FOXN3: variants seen among roughly 807,000 people sequenced by gnomAD.
FOXN3 encodes the protein forkhead box protein N3.
A neutral mutation model predicts 38.4 loss-of-function variants in FOXN3; 7 were observed. That is an observed-to-expected ratio of 0.18 (90% CI 0.10 to 0.34). The LOEUF (loss-of-function observed/expected upper bound fraction) is 0.34. Among genes scored for constraint, FOXN3 ranks in the 10% least tolerant of loss-of-function variants. The pLI is 1.00. For missense variants in FOXN3, 456 were observed against 613.4 expected, an observed-to-expected ratio of 0.74 and a Z score of 2.71; for synonymous variants, 230 against 242.2, an observed-to-expected ratio of 0.95 and a Z score of 0.47.
chr14:89,528,379 T>TTTTTTTC (rs1894476217), intron 1 of FOXN3, among the ~76,000 whole-genome samples: 1 of 53,850 alleles, frequency 1.9e-5, no homozygotes, highest in Non-Finnish European at 3.8e-5. Context: ...GATGAATCTT[T>TTTTTTTC]TTTTTTTTTT....
intron 2 of FOXN3, among the ~76,000 whole-genome samples, chr14:89,394,261 A>G (rs1160379359): frequency 8.2e-6 from 1 of 122,018 alleles, no homozygotes; most frequent in African/African-American, 3.3e-5. Flanking sequence ...CTTGTTGCCC[A>G]GGCTGGGGTG....
At chr14:89,560,630 T>A (rs981359510) in intron 1 of FOXN3, among the ~76,000 whole-genome samples, 5 of 152,252 alleles carry the variant, frequency 3.3e-5, no homozygotes, top group Admixed American at 6.5e-5. Flanking sequence ...GGCCTATCGT[T>A]ATAGACCAAA....
chr14:89,564,162 T>C (rs1391021474), intron 1 of FOXN3, among the ~76,000 whole-genome samples: 1 of 151,928 alleles, frequency 6.6e-6, no homozygotes, highest in Non-Finnish European at 1.5e-5. Context: ...GCCCAGAAGG[T>C]GAATTTTAAG....
chr14:89,419,143 T>C (rs1353498748), upstream of FOXN3: 6 of 455,936 alleles, frequency 1.3e-5, no homozygotes, highest in Non-Finnish European at 2.6e-5. Flanking sequence ...TTTCTTAATT[T>C]CTCTCTCCCA....
intron 2 of FOXN3, among the ~76,000 whole-genome samples, chr14:89,395,145 A>G (rs1891068382): frequency 6.6e-6 from 1 of 152,238 alleles, no homozygotes; most frequent in African/African-American, 2.4e-5. Context: ...GACACTGGTT[A>G]TCTGATGCTG....
chr14:89,607,877 C>T (rs376306508), intron 1 of FOXN3, among the ~76,000 whole-genome samples: 4 of 151,778 alleles, frequency 2.6e-5, no homozygotes, highest in African/African-American at 4.8e-5. Context: ...AGTGCAGTGG[C>T]GCTATCTTGG....
chr14:89,364,447 T>A (rs1566969219), intron 2 of FOXN3: 1 of 152,124 alleles, frequency 6.6e-6, no homozygotes. Context: ...CCTGGCCCCA[T>A]GAGCCTCAGT....
At chr14:89,570,450 C>A (rs1038350998) in intron 1 of FOXN3, among the ~76,000 whole-genome samples, 5 of 152,206 alleles carry the variant, frequency 3.3e-5, no homozygotes, top group African/African-American at 1.2e-4. Flanking sequence ...ACATGGTGTC[C>A]CTTGCAGCAA....
At chr14:89,288,712 CTCTCTCTCTCTCTATATATATATATATA>C (rs1886744473) in intron 3 of FOXN3, among the ~76,000 whole-genome samples, 74 of 69,116 alleles carry the variant, frequency 1.1e-3, no homozygotes, top group African/African-American at 2.5e-3. Context: ...CTCTCTCTCT[CTCTCTCTCTCTCTATATATATATATATA>C]TATATATATA....
intron 3 of FOXN3, among the ~76,000 whole-genome samples, chr14:89,319,454 G>A (rs562558706): frequency 2.6e-5 from 4 of 152,236 alleles, no homozygotes; most frequent in African/African-American, 9.6e-5. Context: ...CAAGGGAAGA[G>A]CCTCAGAGCC....
intron 2 of FOXN3, among the ~76,000 whole-genome samples, chr14:89,360,031 A>G (rs1889396803): frequency 1.3e-5 from 2 of 152,160 alleles, no homozygotes; most frequent in South Asian, 4.1e-4. Context: ...TGTCCAGCAT[A>G]TGCCACGGTC....
intron 4 of FOXN3, among the ~76,000 whole-genome samples, chr14:89,188,414 T>TC (rs1887863241): frequency 6.6e-6 from 1 of 152,250 alleles, no homozygotes; most frequent in Admixed American, 6.5e-5. Flanking sequence ...GATCAATCAG[T>TC]CCCCTTGCCT....
At chr14:89,346,586 C>A (rs566097987) in intron 3 of FOXN3, among the ~76,000 whole-genome samples, 2 of 152,156 alleles carry the variant, frequency 1.3e-5, no homozygotes, top group Admixed American at 6.5e-5. Flanking sequence ...TGATGTCCTA[C>A]GAGAGGTACC....
chr14:89,275,677 G>A (rs1353948699), intron 4 of FOXN3, among the ~76,000 whole-genome samples: 1 of 152,212 alleles, frequency 6.6e-6, no homozygotes, highest in Admixed American at 6.5e-5. Flanking sequence ...GAGAAGGGGT[G>A]ATAAACGCTG....
chr14:89,555,869 G>A (rs28667741), intron 1 of FOXN3, among the ~76,000 whole-genome samples: 8 of 136,070 alleles, frequency 5.9e-5, no homozygotes, highest in African/African-American at 1.7e-4. Context: ...GTGTGTGTGT[G>A]TGTGTGTATG....
intron 1 of FOXN3, among the ~76,000 whole-genome samples, chr14:89,439,253 T>C (rs1892330143): frequency 6.6e-6 from 1 of 152,022 alleles, no homozygotes; most frequent in East Asian, 1.9e-4. Context: ...AGCAACTCCA[T>C]CATGAATAGG....
intron 2 of FOXN3, among the ~76,000 whole-genome samples, chr14:89,363,558 A>G (rs1164831685): frequency 2.0e-5 from 3 of 152,228 alleles, no homozygotes; most frequent in Non-Finnish European, 4.4e-5. Context: ...CTTCATCTGT[A>G]TATTGGCAAA....
intron 1 of FOXN3, among the ~76,000 whole-genome samples, chr14:89,451,069 G>A (rs1003330243): frequency 1.3e-5 from 2 of 152,176 alleles, no homozygotes; most frequent in Non-Finnish European, 2.9e-5. Context: ...CCGTGAAGCC[G>A]AAGATGTCTC....
At chr14:89,325,329 C>G (rs1317025541) in intron 3 of FOXN3, among the ~76,000 whole-genome samples, 14 of 134,002 alleles carry the variant, frequency 1.0e-4, no homozygotes, top group African/African-American at 4.1e-4. Flanking sequence ...CCACCACCAC[C>G]ACCACCACCA....
Sources: gnomAD v4.1 joint callset for allele counts (sites outside exome capture counted in the v4.1 genomes callset) on GRCh38, gnomAD v4.1.1 for gene constraint, MANE v1.5 for transcripts, NCBI Gene and HGNC (gene_info 2026-07-23, HGNC 2026-07-21) for gene names.